KIF14: variants seen among roughly 807,000 people sequenced by gnomAD.
KIF14 encodes the protein kinesin family member 14.
In KIF14, 98 loss-of-function variants were observed where a neutral mutation model predicts 176.2. The ratio of observed to expected loss-of-function variants is 0.56; its 90% CI spans 0.47 to 0.66. The LOEUF (loss-of-function observed/expected upper bound fraction) is 0.66, where lower values mean the gene tolerates loss of function less well. Ranked by LOEUF, KIF14 falls within the 30% of genes least tolerant of loss-of-function variation. The pLI is 0.00. For missense variants in KIF14, 1,751 were observed against 1,920.4 expected, an observed-to-expected ratio of 0.91 and a Z score of 1.65; for synonymous variants, 566 against 632.2, an observed-to-expected ratio of 0.90 and a Z score of 1.57.
intron 4 of KIF14, among the ~76,000 whole-genome samples, chr1:200,611,578 T>G (rs190650203): frequency 2.0e-5 from 3 of 152,236 alleles, no homozygotes; most frequent in Admixed American, 6.5e-5. Context: ...TTATAGAGGC[T>G]CCAGGAGGAC....
At chr1:200,598,182 T>C in intron 14 of KIF14, 55 bp downstream of exon 14, 1 of 1,477,710 alleles carries the variant, frequency 6.8e-7, no homozygotes, top group African/African-American at 1.4e-5. Flanking sequence ...GGAAACCACA[T>C]GTTATCAAGA....
At chr1:200,575,392 T>C (rs1276671359) in intron 22 of KIF14, among the ~76,000 whole-genome samples, 199 bp downstream of exon 22, 1 of 152,172 alleles carries the variant, frequency 6.6e-6, no homozygotes, top group Non-Finnish European at 1.5e-5. Context: ...TAATAAACAA[T>C]TTAATGCCCT....
At chr1:200,557,027 CAG>C (rs200890382) in intron 27 of KIF14, among the ~76,000 whole-genome samples, 12,895 of 152,144 alleles carry the variant, frequency 0.085, 583 homozygotes, top group Non-Finnish European at 0.096. Context: ...ATTTTTGAGA[CAG>C]AGTCTTGCTC....
chr1:200,576,169 G>A (rs1470093207), intron 21 of KIF14, among the ~76,000 whole-genome samples: 1 of 152,178 alleles, frequency 6.6e-6, no homozygotes, highest in Admixed American at 6.5e-5. Flanking sequence ...GTTAAAAACT[G>A]CAATGAATGG....
intron 18 of KIF14, among the ~76,000 whole-genome samples, chr1:200,588,222 T>G (rs1036107670): frequency 1.4e-5 from 2 of 140,112 alleles, no homozygotes; most frequent in African/African-American, 6.0e-5. Flanking sequence ...GCCTAAAAAT[T>G]TGCTTTTTGT....
At chr1:200,615,653 C>T (rs2102781986) in intron 2 of KIF14, 44 bp from the exon 3 acceptor site, 10 of 1,524,564 alleles carry the variant, frequency 6.6e-6, no homozygotes, top group Non-Finnish European at 8.9e-6. Context: ...CTAAAATGAT[C>T]AAGGGTATTA....
At chr1:200,567,805 T>C (rs543794739) in intron 23 of KIF14, among the ~76,000 whole-genome samples, 1 of 149,566 alleles carries the variant, frequency 6.7e-6, no homozygotes, top group Non-Finnish European at 1.5e-5. Context: ...GGATGAGGAA[T>C]ATTAAAAAAC....
At chr1:200,604,850 T>C (rs1483594065) in intron 8 of KIF14, among the ~76,000 whole-genome samples, 2 of 152,086 alleles carry the variant, frequency 1.3e-5, no homozygotes, top group Non-Finnish European at 2.9e-5. Flanking sequence ...TCTTTTACTT[T>C]CTGATGTTTT....
At position 200,617,661 on chromosome 1, in the gene KIF14, C is replaced by T. The variant is rs1660467786; in HGVS notation, c.1063G>A (p.Glu355Lys). The T allele has an allele frequency of 6.2e-7, 1 of 1,613,804 alleles. No individual in the cohort carries two copies. Residue 355 changes from glutamate to lysine, a missense_variant, in exon 2 of 30, where the codon GAG becomes AAG. Coordinates refer to ENST00000367350, the MANE Select transcript of KIF14 (RefSeq NM_014875.3). Reference sequence around the variant, plus strand: ...ACTGCCACTGTCACTTGACTATTCTCTACTTTTAAGGGGTCTTTTCCTGCA... The same window carrying T: ...ACTGCCACTGTCACTTGACTATTCTTTACTTTTAAGGGGTCTTTTCCTGCA... ...TSAGKDPLKVENSQVTVAVRV... is the reference protein window; with the variant it reads ...TSAGKDPLKVKNSQVTVAVRV...
At chr1:200,591,991 A>G in intron 16 of KIF14, 89 bp downstream of exon 16, 2 of 1,097,694 alleles carry the variant, frequency 1.8e-6, no homozygotes, top group South Asian at 3.2e-5. Context: ...GCACCCAAAG[A>G]GTTAATTACT....
At chr1:200,610,139 G>C (rs951789317) in intron 4 of KIF14, among the ~76,000 whole-genome samples, 13 of 152,128 alleles carry the variant, frequency 8.5e-5, no homozygotes, top group African/African-American at 3.1e-4. Flanking sequence ...CATTATAAAT[G>C]TACTGAATGC....
intron 18 of KIF14, among the ~76,000 whole-genome samples, chr1:200,587,418 A>G (rs1405971674): frequency 6.6e-6 from 1 of 152,052 alleles, no homozygotes; most frequent in Non-Finnish European, 1.5e-5. Context: ...TAAAAAAAAA[A>G]AGGCCATATC....
chr1:200,585,999 T>C, intron 19 of KIF14, 102 bp downstream of exon 19: 3 of 785,854 alleles, frequency 3.8e-6, no homozygotes, highest in Non-Finnish European at 3.7e-6. Context: ...GAATAAAGTA[T>C]TTTGAATATG....
At chr1:200,593,927 GTTTT>G (rs57476742) in intron 14 of KIF14, among the ~76,000 whole-genome samples, 158 bp from the exon 15 acceptor site, 4 of 100,526 alleles carry the variant, frequency 4.0e-5, no homozygotes, top group East Asian at 3.0e-4. Context: ...CCTCCAACTA[GTTTT>G]TTTTTTTTTT....
rs1276334329 is a variant in KIF14 at position 200,559,354 on chromosome 1, G to A, written c.4329C>T (p.Leu1443=). 2 of 1,587,654 alleles carry A rather than the reference G, an allele frequency of 1.3e-6. No individual in the cohort carries two copies. Among genetic ancestry groups the A allele is most frequent in the East Asian group, 2.3e-5 (1 of 43,224 alleles). The change falls in exon 27 of 30, where the codon CTC becomes CTT. Residue 1443 remains leucine, a synonymous_variant. Transcript: ENST00000367350. ...LEKAKELQHE[L]FRQCTKNEVT... ...CCTCATTTTTTGTACACTGCCTAAA[G>A]AGTTCATGCTGAAGTTCTTTTGCTT...
At position 200,598,274 on chromosome 1, in the gene KIF14, T is replaced by C; in HGVS notation, c.2512A>G (p.Ile838Val). The change falls in exon 14 of 30, where the codon ATT (isoleucine) becomes GTT (valine). Residue 838 changes from isoleucine to valine, a missense_variant. Physicochemically the swap from Ile to Val is conservative, Grantham distance 29. Transcript: ENST00000367350. Reference sequence around the variant, plus strand: ...GCAATCAGCACCCCAGATAACTGAATATCATGGCTTGAGTTTGGTTTATAC... The same window carrying C: ...GCAATCAGCACCCCAGATAACTGAACATCATGGCTTGAGTTTGGTTTATAC... ...GKYKPNSSHD[I>V]QLSGVLIADD... is the part of the protein sequence containing the mutation. The C allele has an allele frequency of 6.2e-7, 1 of 1,613,282 alleles. No individual in the cohort carries two copies. The highest frequency in any genetic ancestry group is 8.5e-7 in the Non-Finnish European group (1 of 1,179,708).
chr1:200,608,375 T>TC, intron 5 of KIF14, among the ~76,000 whole-genome samples: 1 of 151,644 alleles, frequency 6.6e-6, no homozygotes, highest in East Asian at 1.9e-4. Context: ...TTCTTTTTTT[T>TC]TTTTTTGGAG....
At chr1:200,601,869 A>T (rs1363382136) in intron 11 of KIF14, 27 bp downstream of exon 11, 6 of 1,574,418 alleles carry the variant, frequency 3.8e-6, no homozygotes, top group Non-Finnish European at 4.3e-6. Context: ...TGGCAAAACA[A>T]TTTTTAAATT....
chr1:200,563,243 C>T (rs907258925), intron 25 of KIF14, among the ~76,000 whole-genome samples: 3 of 152,152 alleles, frequency 2.0e-5, no homozygotes, highest in Admixed American at 6.5e-5. Flanking sequence ...GAAAGTCTTT[C>T]GGTGGGCACT....
Sources: allele counts gnomAD v4.1 joint callset (sites outside exome capture counted in the v4.1 genomes callset), GRCh38; gene constraint gnomAD v4.1.1; transcripts MANE v1.5; gene names NCBI Gene and HGNC (gene_info 2026-07-23, HGNC 2026-07-21).